ZNF75D: variants seen among roughly 807,000 people sequenced by gnomAD.
The protein encoded by ZNF75D is zinc finger protein 75D.
In ZNF75D, 33 loss-of-function variants were observed where a neutral mutation model predicts 33.3. That is an observed-to-expected ratio of 0.99 (90% CI 0.75 to 1.32). ZNF75D has a LOEUF of 1.32. Among genes scored for constraint, ZNF75D ranks in the 40% most tolerant of loss-of-function variants. ZNF75D has a pLI of 0.00. For synonymous variants in ZNF75D, 113 were observed against 130.6 expected (o/e 0.87, Z 0.92); for missense variants, 338 against 367.5 (o/e 0.92, Z 0.66).
chrX:135,313,080 T>C lies in ZNF75D; in HGVS notation c.-390-17041A>G, dbSNP rs782357213. On this transcript the variant is annotated intron_variant, in intron 1 of 6. Transcript: ENST00000370766. ...GCCATAAAATCTTCACTTATGCCAA[T>C]GTCCTGAAGATTTTTCCCTATGTTT... 2.1e-4 allele frequency among the ~76,000 whole-genome samples: 23 copies of C among 112,014 alleles called. No homozygotes were observed. The South Asian group carries it at 3.3e-3, about 16-fold the overall frequency.
chrX:135,327,310 G>A (rs1387812306), intron 1 of ZNF75D, among the ~76,000 whole-genome samples: 1 of 112,572 alleles, frequency 8.9e-6, no homozygotes, highest in Non-Finnish European at 1.9e-5. Context: ...CCAGACCACT[G>A]AGCAGCCACA....
In ZNF75D at chrX:135,315,760, T is replaced by C. The variant is rs4829776; in HGVS notation, c.-390-19721A>G. Among the ~76,000 whole-genome samples the C allele has an allele frequency of 6.3e-3, 701 of 110,623 alleles. 18 individuals are homozygous for C. Among genetic ancestry groups the C allele is most frequent in the Admixed American group, 0.059 (612 of 10,416 alleles). On this transcript the variant is annotated intron_variant, in intron 1 of 6. Coordinates refer to ENST00000370766, the MANE Select transcript of ZNF75D (RefSeq NM_007131.5). The stretch of plus-strand genomic sequence containing the variant: ...TAAGCATAGCTACTCCTGCTGGCTT[T>C]TGGTTTCCATTAGTGTGGAATATAC...
At chrX:135,298,882 G>A (rs1483534791) in intron 1 of ZNF75D, among the ~76,000 whole-genome samples, 1 of 111,889 alleles carries the variant, frequency 8.9e-6, no homozygotes, top group Admixed American at 9.5e-5. Flanking sequence ...GGAATCATAT[G>A]ATATGTGATC....
chrX:135,335,981 T>C (rs1556442310), intron 1 of ZNF75D, among the ~76,000 whole-genome samples: 1 of 112,508 alleles, frequency 8.9e-6, no homozygotes, highest in Non-Finnish European at 1.9e-5. Context: ...ACTATCCTTA[T>C]GTTTTCTTCA....
chrX:135,325,105 G>A (rs2084544935), intron 1 of ZNF75D, among the ~76,000 whole-genome samples: 2 of 110,151 alleles, frequency 1.8e-5, no homozygotes, highest in South Asian at 8.0e-4. Context: ...TATATCCAAT[G>A]GTGACTGCTT....
intron 1 of ZNF75D, among the ~76,000 whole-genome samples, chrX:135,303,306 C>T (rs2084244451): frequency 9.0e-6 from 1 of 110,847 alleles, no homozygotes; most frequent in African/African-American, 3.3e-5. Context: ...GGCTGGGGGA[C>T]GGTCAGGTCT....
intron 1 of ZNF75D, among the ~76,000 whole-genome samples, chrX:135,319,414 G>A (rs782340385): frequency 1.1e-4 from 12 of 112,223 alleles, no homozygotes; most frequent in Non-Finnish European, 2.3e-4. Flanking sequence ...GCTTTATCAA[G>A]TGTACCACAG....
intron 1 of ZNF75D, among the ~76,000 whole-genome samples, chrX:135,321,931 T>C (rs1219201368): frequency 1.2e-4 from 13 of 111,999 alleles, no homozygotes; most frequent in Non-Finnish European, 7.5e-5. Flanking sequence ...TGTAGAGTAG[T>C]TTATCTAACT....
rs2083952970 is a variant in ZNF75D at position 135,286,446 on chromosome X, T to G, written c.*691A>C. On this transcript the variant is annotated 3_prime_UTR_variant, in exon 7 of 7. Transcript: ENST00000370766. ...TCACTATATGTCTATGTTGACAAAG[T>G]CAGCAAGAGGAGAGATATCAAGTGC... 8.9e-6 allele frequency: 1 copy of G among 112,316 alleles called. No individual in the cohort carries two copies. The highest frequency in any genetic ancestry group is 1.9e-5 in the Non-Finnish European group (1 of 53,269). 9.3% of individuals were successfully genotyped at this position (112,316 alleles called of 1,213,427 possible).
intron 1 of ZNF75D, among the ~76,000 whole-genome samples, chrX:135,302,265 G>A (rs185512837): frequency 8.4e-4 from 95 of 112,514 alleles, no homozygotes; most frequent in South Asian, 5.5e-3. Flanking sequence ...AGGATATGAA[G>A]GCATTCAGTG....
intron 1 of ZNF75D, among the ~76,000 whole-genome samples, chrX:135,331,764 T>C (rs1556440595): frequency 4.5e-5 from 5 of 111,203 alleles, no homozygotes. Flanking sequence ...TCCACCTACA[T>C]CTAAGGCGCT....
downstream of ZNF75D, among the ~76,000 whole-genome samples, chrX:135,285,328 T>C (rs2083937372): frequency 8.9e-6 from 1 of 111,957 alleles, no homozygotes; most frequent in Non-Finnish European, 1.9e-5. Context: ...GTAGTATATT[T>C]TGGTTTTGTT....
At chrX:135,338,783 G>C (rs1556443502) in intron 1 of ZNF75D, among the ~76,000 whole-genome samples, 2 of 111,008 alleles carry the variant, frequency 1.8e-5, no homozygotes, top group African/African-American at 3.3e-5. Context: ...TTTTGTTCTT[G>C]ATTTCAGTTG....
Position 135,287,054 on chromosome X carries a change from AT to A in ZNF75D, c.*82del. 2.5e-6 allele frequency: 2 copies of A among 813,772 alleles called. No individual in the cohort carries two copies. The highest frequency in any genetic ancestry group is 4.6e-5 in the South Asian group (2 of 43,188). 67.1% of individuals were successfully genotyped at this position (813,772 alleles called of 1,213,427 possible). A position where few individuals can be genotyped will look rare whatever the true frequency, so the allele number is the denominator to read the frequency against. ...TGTACCCTTCCCAAATGTTTTATTA[AT>A]CACAGATTCCTATCATTGGGTGCCT... On this transcript the variant is annotated 3_prime_UTR_variant, in exon 7 of 7. Coordinates refer to ENST00000370766, the MANE Select transcript of ZNF75D (RefSeq NM_007131.5).
intron 1 of ZNF75D, among the ~76,000 whole-genome samples, chrX:135,258,358 G>A (rs1254030934): frequency 9.1e-6 from 1 of 110,466 alleles, no homozygotes; most frequent in Admixed American, 9.7e-5. Context: ...CTAGATCCTT[G>A]AGGAATCGCC....
intron 1 of ZNF75D, among the ~76,000 whole-genome samples, chrX:135,315,864 G>A (rs1465530931): frequency 9.0e-6 from 1 of 111,210 alleles, no homozygotes; most frequent in Admixed American, 9.5e-5. Flanking sequence ...GTTAGATCAT[G>A]TTTTTTTTAC....
At chrX:135,313,974 G>A (rs367725031) in intron 1 of ZNF75D, among the ~76,000 whole-genome samples, 2 of 111,581 alleles carry the variant, frequency 1.8e-5, no homozygotes, top group African/African-American at 6.5e-5. Context: ...ATTTGGGTGT[G>A]TTTTATTTCT....
Position 135,277,274 on chromosome X carries a change from G to A in ZNF75D, n.828-21497C>T, listed in dbSNP as rs1174009202. On this transcript the variant is annotated intron_variant and non_coding_transcript_variant, in intron 1 of 3. Transcript: ENST00000494295. Reference sequence around the variant, plus strand: ...ACTTTTTTTTAATAGTTTGTTGGCCGCATAAATGTCTTCTTTTGAGAAGTG... The same window carrying A: ...ACTTTTTTTTAATAGTTTGTTGGCCACATAAATGTCTTCTTTTGAGAAGTG... Among the ~76,000 whole-genome samples the A allele has an allele frequency of 7.1e-5, 8 of 112,182 alleles. No individual in the cohort carries two copies. In the South Asian group the frequency reaches 1.1e-3, roughly 16 times the overall value.
Position 135,311,513 on chromosome X carries a change from T to C in ZNF75D, c.-390-15474A>G, listed in dbSNP as rs782175200. On this transcript the variant is annotated intron_variant, in intron 1 of 6. Transcript: ENST00000370766. ...CTAAATTAAGCTAATTATATGCTTA[T>C]CATTACATTATATGCTTATCATTTT... Among the ~76,000 whole-genome samples, 3 of 112,764 alleles carry C rather than the reference T, an allele frequency of 2.7e-5. No homozygotes were observed. In the South Asian group the frequency reaches 1.1e-3, roughly 41 times the overall value.
Sources: allele counts gnomAD v4.1 joint callset (sites outside exome capture counted in the v4.1 genomes callset), GRCh38; gene constraint gnomAD v4.1.1; transcripts MANE v1.5; gene names NCBI Gene and HGNC (gene_info 2026-07-23, HGNC 2026-07-21).